The following ENTPD1 variants were observed in gnomAD, a reference collection of about 807,000 sequenced individuals.
The protein encoded by ENTPD1 is ATP diphosphohydrolase.
ENTPD1 carries 33 observed loss-of-function variants against 57.0 expected under a neutral mutation model. The observed-to-expected ratio is 0.58, with a 90% CI of 0.44 to 0.77. The LOEUF (loss-of-function observed/expected upper bound fraction) is 0.77, where lower values mean the gene tolerates loss of function less well. Among genes scored for constraint, ENTPD1 ranks in the 30% least tolerant of loss-of-function variants. The pLI is 0.00. For synonymous variants in ENTPD1, 202 were observed against 218.8 expected (o/e 0.92, Z 0.68); for missense variants, 501 against 603.4 (o/e 0.83, Z 1.78).
At chr10:95,815,448 C>T (rs2098326726) in intron 1 of ENTPD1, among the ~76,000 whole-genome samples, 1 of 152,188 alleles carries the variant, frequency 6.6e-6, no homozygotes. Context: ...CATTGGTATC[C>T]TCAGTGAGAA....
chr10:95,790,159 C>A (rs1566151097), intron 1 of ENTPD1, among the ~76,000 whole-genome samples: 2 of 152,120 alleles, frequency 1.3e-5, no homozygotes, highest in Non-Finnish European at 2.9e-5. Flanking sequence ...GGTTGCCCAC[C>A]ACTTCAGATA....
intron 1 of ENTPD1, among the ~76,000 whole-genome samples, chr10:95,776,649 C>T (rs2098135240): frequency 6.6e-6 from 1 of 152,116 alleles, no homozygotes; most frequent in African/African-American, 2.4e-5. Context: ...TTATGGTGTT[C>T]TCTGTGTTTC....
intron 2 of ENTPD1, among the ~76,000 whole-genome samples, chr10:95,828,643 A>G (rs2098386186): frequency 6.6e-6 from 1 of 152,122 alleles, no homozygotes; most frequent in Non-Finnish European, 1.5e-5. Flanking sequence ...GCAGTTATAA[A>G]TCATTTCCAC....
At chr10:95,784,691 C>G (rs762110555) in intron 1 of ENTPD1, among the ~76,000 whole-genome samples, 24 of 152,174 alleles carry the variant, frequency 1.6e-4, no homozygotes, top group Admixed American at 1.3e-3. Flanking sequence ...GGCCTCAGTA[C>G]TCTTTTCCCT....
At position 95,867,195 on chromosome 10, in the gene ENTPD1, C is replaced by T. The variant is rs2098475447; in HGVS notation, c.*812C>T. The stretch of plus-strand genomic sequence containing the variant: ...GTCACAAAAAATGCATCTTCCAATG[C>T]ATATTTTTATTATGGTAAAATATAC... On this transcript the variant is annotated 3_prime_UTR_variant, in exon 10 of 10. Coordinates refer to ENST00000371205, the MANE Select transcript of ENTPD1 (RefSeq NM_001776.6). The T allele has an allele frequency of 1.0e-6, 1 of 984,660 alleles. No individual in the cohort carries two copies. Among genetic ancestry groups the T allele is most frequent in the Non-Finnish European group, 1.2e-6 (1 of 829,344 alleles). The allele number at this position is 984,660 out of a possible 1,614,324, so 61.0% of individuals were successfully genotyped here.
intron 7 of ENTPD1, among the ~76,000 whole-genome samples, chr10:95,856,307 C>T (rs2098454603): frequency 6.6e-6 from 1 of 152,150 alleles, no homozygotes; most frequent in Non-Finnish European, 1.5e-5. Flanking sequence ...CCTTACTCTC[C>T]TGCAAGAATG....
At chr10:95,715,352 C>G (rs1418690340) in intron 1 of ENTPD1, among the ~76,000 whole-genome samples, 1 of 152,142 alleles carries the variant, frequency 6.6e-6, no homozygotes, top group Non-Finnish European at 1.5e-5. Flanking sequence ...GTCATAAAGT[C>G]TATTTCATCT....
intron 1 of ENTPD1, among the ~76,000 whole-genome samples, chr10:95,770,395 A>G (rs1330078854): frequency 6.6e-6 from 1 of 152,044 alleles, no homozygotes; most frequent in Non-Finnish European, 1.5e-5. Flanking sequence ...TCATGGGTAA[A>G]ATAAGATGAA....
In ENTPD1 at chr10:95,877,173, T is replaced by C. The variant is rs1427064465; in HGVS notation, c.*10790T>C. 2.0e-5 allele frequency among the ~76,000 whole-genome samples: 3 copies of C among 152,230 alleles called. No homozygotes were observed. The highest frequency in any genetic ancestry group is 7.2e-5 in the African/African-American group (3 of 41,466). ...GAATATTTCATTGGCATTGAGAAGG[T>C]GGAAAATGCAAATTATATACTTTAA... On this transcript the variant is annotated 3_prime_UTR_variant, in exon 10 of 10. Coordinates refer to ENST00000371205, the MANE Select transcript of ENTPD1 (RefSeq NM_001776.6).
the ENTPD1 span, among the ~76,000 whole-genome samples, chr10:95,697,607 A>G: frequency 3.3e-5 from 5 of 152,176 alleles, no homozygotes; most frequent in Non-Finnish European, 7.3e-5. Context: ...TGGCTTTACA[A>G]GAAGAGGAAC....
At chr10:95,731,321 T>G (rs1434281983) in intron 1 of ENTPD1, among the ~76,000 whole-genome samples, 1 of 152,012 alleles carries the variant, frequency 6.6e-6, no homozygotes, top group South Asian at 2.1e-4. Context: ...CAGAGCAAGA[T>G]CTGGTATTTA....
intron 3 of ENTPD1, among the ~76,000 whole-genome samples, 175 bp downstream of exon 3, chr10:95,839,983 G>C (rs567645592): frequency 2.6e-5 from 4 of 152,144 alleles, no homozygotes; most frequent in African/African-American, 9.7e-5. Context: ...GAAATCAGTC[G>C]TTAATGATCA....
chr10:95,846,151 TGA>T (rs527860970), intron 6 of ENTPD1: 172 of 161,016 alleles, frequency 1.1e-3, no homozygotes, highest in African/African-American at 3.9e-3. Context: ...GTGGATCACT[TGA>T]GGTCAGGAGT....
chr10:95,703,727 A>G, the ENTPD1 span, among the ~76,000 whole-genome samples: 1 of 139,382 alleles, frequency 7.2e-6, no homozygotes, highest in Non-Finnish European at 1.5e-5. Context: ...GATTGCAGTG[A>G]GCTGAGATCG....
chr10:95,704,852 G>A, the ENTPD1 span, among the ~76,000 whole-genome samples: 1 of 113,884 alleles, frequency 8.8e-6, no homozygotes, highest in Admixed American at 1.0e-4. Flanking sequence ...CTACTCAATG[G>A]TAAAATATTA....
chr10:95,725,019 G>A (rs1425285363), intron 1 of ENTPD1, among the ~76,000 whole-genome samples: 1 of 152,120 alleles, frequency 6.6e-6, no homozygotes, highest in Non-Finnish European at 1.5e-5. Flanking sequence ...AGATCTCTGA[G>A]GCTCTTTTTA....
chr10:95,836,037 A>G (rs1271757530), intron 2 of ENTPD1, among the ~76,000 whole-genome samples: 1 of 152,170 alleles, frequency 6.6e-6, no homozygotes, highest in African/African-American at 2.4e-5. Flanking sequence ...TCATACTTCT[A>G]CATATGGTTA....
intron 7 of ENTPD1, among the ~76,000 whole-genome samples, chr10:95,848,762 G>C (rs1196544610): frequency 6.6e-6 from 1 of 152,202 alleles, no homozygotes; most frequent in Non-Finnish European, 1.5e-5. Context: ...CCAGAACTTG[G>C]TGAAATATAT....
At chr10:95,743,619 T>G (rs2098002692) in intron 1 of ENTPD1, among the ~76,000 whole-genome samples, 5 of 152,210 alleles carry the variant, frequency 3.3e-5, no homozygotes, top group Admixed American at 3.3e-4. Context: ...AATAGTCTAT[T>G]TCAGTATAGA....
Sources: gnomAD v4.1 joint callset for allele counts (sites outside exome capture counted in the v4.1 genomes callset) on GRCh38, gnomAD v4.1.1 for gene constraint, MANE v1.5 for transcripts, NCBI Gene and HGNC (gene_info 2026-07-23, HGNC 2026-07-21) for gene names.